The following PSD4 variants were observed in gnomAD, a reference collection of about 807,000 sequenced individuals.
PSD4 encodes the protein PH and SEC7 domain-containing protein 4.
PSD4 carries 59 observed loss-of-function variants against 112.5 expected under a neutral mutation model. The ratio of observed to expected loss-of-function variants is 0.52; its 90% CI spans 0.43 to 0.65. PSD4 has a LOEUF of 0.65. Ranked by LOEUF, PSD4 falls within the 30% of genes least tolerant of loss-of-function variation. The pLI is 0.00. For synonymous variants in PSD4, 533 were observed against 540.0 expected, an observed-to-expected ratio of 0.99 and a Z score of 0.18; for missense variants, 1,267 against 1,352.6, an observed-to-expected ratio of 0.94 and a Z score of 0.99.
chr2:113,200,188 C>A (rs1308893851), intron 16 of PSD4, among the ~76,000 whole-genome samples: 1 of 152,192 alleles, frequency 6.6e-6, no homozygotes, highest in Non-Finnish European at 1.5e-5. Context: ...CTCCCCCAAC[C>A]CTCACCCATC....
At position 113,185,372 on chromosome 2, in the gene PSD4, T is replaced by A. The variant is rs1311388618; in HGVS notation, c.1181T>A (p.Leu394His). ...CTTTGCCTCTCTCAACAGGCCTCTC[T>A]CAGCCCTGAGGGCTGGCAGAGAGGA... Reference protein sequence around the residue: ...AAHPVQPWASLSPEGWQRGGP... With the variant: ...AAHPVQPWASHSPEGWQRGGP... Residue 394 changes from leucine (L) to histidine (H), a missense_variant, in exon 4 of 17, where the codon CTC (leucine) becomes CAC (histidine). Physicochemically the swap from Leu to His is moderately conservative, Grantham distance 99 (BLOSUM62 -3). Transcript: ENST00000245796. 1 of 1,614,028 alleles carries A rather than the reference T, an allele frequency of 6.2e-7. No individual in the cohort carries two copies. Among genetic ancestry groups the A allele is most frequent in the African/African-American group, 1.3e-5 (1 of 74,908 alleles).
chr2:113,183,214 C>T lies in PSD4; in HGVS notation c.758C>T (p.Ala253Val), dbSNP rs201700173. The change falls in exon 2 of 17, where the codon GCG (alanine) becomes GTG (valine). Residue 253 changes from alanine (A) to valine (V), a missense_variant. Around this residue, in one of 2 missense-constraint regions of PSD4, gnomAD observed 723 missense variants for 704.0 expected, o/e 1.03. Coordinates refer to ENST00000245796, the MANE Select transcript of PSD4 (RefSeq NM_012455.3). ...SMFFSNPLFL[A>V]SPCSENSASG... ...TTCTTCAGCAACCCCCTCTTCCTGG[C>T]GAGTCCTTGCTCAGAGAACAGTGCT... 24 of 1,614,080 alleles carry T rather than the reference C, an allele frequency of 1.5e-5. No individual in the cohort carries two copies. The highest frequency in any genetic ancestry group is 3.3e-4 in the Middle Eastern group (2 of 6,084).
chr2:113,197,303 T>G, intron 12 of PSD4: 1 of 530,906 alleles, frequency 1.9e-6, no homozygotes, highest in Non-Finnish European at 3.4e-6. Context: ...GAAGATGATA[T>G]GTATGAATAT....
At chr2:113,193,699 G>T in intron 9 of PSD4, 49 bp downstream of exon 9, 1 of 1,588,246 alleles carries the variant, frequency 6.3e-7, no homozygotes, top group Non-Finnish European at 8.6e-7. Flanking sequence ...GTAACAAGGG[G>T]TGCGGGGAGG....
chr2:113,195,694 G>T, intron 10 of PSD4, 33 bp from the exon 11 acceptor site: 1 of 1,613,934 alleles, frequency 6.2e-7, no homozygotes, highest in South Asian at 1.1e-5. Flanking sequence ...CAGCCCTGAG[G>T]CTCCCCTGCC....
rs1215410669 is a variant in PSD4 at position 113,186,102 on chromosome 2, T to C, written c.1475T>C (p.Leu492Pro). The C allele has an allele frequency of 6.2e-7, 1 of 1,614,020 alleles. No homozygotes were observed. Among genetic ancestry groups the C allele is most frequent in the African/African-American group, 1.3e-5 (1 of 74,894 alleles). ...KWTLDASQSS[L>P]LETDGEQPSS... is the part of the protein sequence containing the mutation. ...ACACTAGATGCTTCACAGTCTTCACTCTTGGAGACGGATGGGGAACAGCCA... is the reference window on the plus strand; with the variant it reads ...ACACTAGATGCTTCACAGTCTTCACCCTTGGAGACGGATGGGGAACAGCCA... The change falls in exon 5 of 17, where the codon CTC becomes CCC. Residue 492 changes from leucine to proline, a missense_variant. Physicochemically the swap from Leu to Pro is moderately conservative, Grantham distance 98 (BLOSUM62 -3). This residue lies in a region of PSD4 where 723 missense variants were observed against 704.0 expected (regional missense o/e 1.03). Coordinates refer to ENST00000245796, the MANE Select transcript of PSD4 (RefSeq NM_012455.3).
In PSD4 at chr2:113,182,379, A is replaced by G; in HGVS notation, c.-78A>G. ...TGGATTCCCAGTTTCTCCAGCGGCC[A>G]GTGCTCCCCCTAGTCCACACAGTGA... On this transcript the variant is annotated 5_prime_UTR_variant, in exon 2 of 17. Coordinates refer to ENST00000245796, the MANE Select transcript of PSD4 (RefSeq NM_012455.3). The G allele has an allele frequency of 3.0e-6, 4 of 1,347,218 alleles. No individual in the cohort carries two copies. The highest frequency in any genetic ancestry group is 4.1e-6 in the Non-Finnish European group (4 of 979,460). The allele number at this position is 1,347,218 out of a possible 1,614,324, so 83.5% of individuals were successfully genotyped here. A position where few individuals can be genotyped will look rare whatever the true frequency, so the allele number is the denominator to read the frequency against.
intron 5 of PSD4, among the ~76,000 whole-genome samples, chr2:113,192,098 C>T (rs1025166028): frequency 1.3e-5 from 2 of 151,702 alleles, no homozygotes; most frequent in East Asian, 3.9e-4. Flanking sequence ...CAGGGATGCA[C>T]CTGCCACCTG....
rs1435093556 is a variant in PSD4 at position 113,199,196 on chromosome 2, C to T, written c.2883C>T (p.His961=). 4 of 1,519,188 alleles carry T rather than the reference C, an allele frequency of 2.6e-6. No homozygotes were observed. The highest frequency in any genetic ancestry group is 1.2e-5 in the South Asian group (1 of 82,046). The allele number at this position is 1,519,188 out of a possible 1,614,324, so 94.1% of individuals were successfully genotyped here. A position where few individuals can be genotyped will look rare whatever the true frequency, so the allele number is the denominator to read the frequency against. Residue 961 remains histidine (H), a synonymous_variant, in exon 16 of 17, where the codon CAC becomes CAT. Coordinates refer to ENST00000245796, the MANE Select transcript of PSD4 (RefSeq NM_012455.3). Reference sequence around the variant, plus strand: ...GCCGTGGCCGCGAGCTGGAGGAGCACCGCCTGCGGAAGGAGTACCTGGAGT... The same window carrying T: ...GCCGTGGCCGCGAGCTGGAGGAGCATCGCCTGCGGAAGGAGTACCTGGAGT... ...RRGRGRELEE[H]RLRKEYLEYE...
Position 113,205,323 on chromosome 2 carries a change from C to T in PSD4, c.*3908C>T, listed in dbSNP as rs74836216. On this transcript the variant is annotated 3_prime_UTR_variant, in exon 17 of 17. Transcript: ENST00000245796. Reference sequence around the variant, plus strand: ...CCAAGCTCAGGGCTTGGAGGACAGCCTAGGGATTTTGTTTTAAGAAGATGA... The same window carrying T: ...CCAAGCTCAGGGCTTGGAGGACAGCTTAGGGATTTTGTTTTAAGAAGATGA... 6.6e-6 allele frequency: 1 copy of T among 152,062 alleles called. No homozygotes were observed. The highest frequency in any genetic ancestry group is 1.5e-5 in the Non-Finnish European group (1 of 68,040). 9.4% of individuals were successfully genotyped at this position (152,062 alleles called of 1,614,324 possible).
chr2:113,182,240 C>T, intron 1 of PSD4, 106 bp from the exon 2 acceptor site: 1 of 539,352 alleles, frequency 1.9e-6, no homozygotes, highest in Non-Finnish European at 3.3e-6. Context: ...TAAGGAGCAG[C>T]AGGCATAGAT....
intron 1 of PSD4, among the ~76,000 whole-genome samples, chr2:113,181,980 C>T (rs867204200): frequency 7.9e-5 from 12 of 152,290 alleles, no homozygotes; most frequent in Non-Finnish European, 1.2e-4. Flanking sequence ...TTCCTTGATA[C>T]CTAGAGGCAT....
intron 5 of PSD4, among the ~76,000 whole-genome samples, chr2:113,191,510 G>T (rs962280684): frequency 6.6e-6 from 1 of 152,198 alleles, no homozygotes; most frequent in African/African-American, 2.4e-5. Context: ...GGCCTCAAGT[G>T]ATCCACTTGC....
intron 1 of PSD4, among the ~76,000 whole-genome samples, chr2:113,179,093 C>A (rs901928534): frequency 3.3e-5 from 5 of 152,144 alleles, no homozygotes; most frequent in African/African-American, 1.2e-4. Flanking sequence ...TGAGTCACCT[C>A]CTTGCTCACA....
At position 113,181,609 on chromosome 2, in the gene PSD4, G is replaced by A. The variant is rs183938573; in HGVS notation, c.-111-737G>A. ...ATCCCAGCCTCTTCCTCCCTAGAAG[G>A]CAGAGATCTCCTCCCCATGCAGCAG... On this transcript the variant is annotated intron_variant, in intron 1 of 16. Coordinates refer to ENST00000245796, the MANE Select transcript of PSD4 (RefSeq NM_012455.3). 9.4e-4 allele frequency among the ~76,000 whole-genome samples: 143 copies of A among 152,294 alleles called. 1 individual carries two copies. The highest frequency in any genetic ancestry group is 1.5e-3 in the Non-Finnish European group (102 of 68,022).
At chr2:113,176,780 A>ACCTG (rs1687992612) in intron 1 of PSD4, among the ~76,000 whole-genome samples, 1 of 152,208 alleles carries the variant, frequency 6.6e-6, no homozygotes, top group Non-Finnish European at 1.5e-5. Flanking sequence ...GATGCGTAAG[A>ACCTG]CCTGGGCTCT....
chr2:113,197,120 G>A, intron 12 of PSD4: 1 of 258,116 alleles, frequency 3.9e-6, no homozygotes, highest in Non-Finnish European at 7.7e-6. Context: ...TCAGAGTGGG[G>A]TACACAGGGA....
rs201876361 is a variant in PSD4, at chr2:113,197,535, A to C, written c.2387-29A>C. The C allele has an allele frequency of 1.7e-3, 2,696 of 1,613,636 alleles. 42 individuals are homozygous for C. In the East Asian group the frequency reaches 0.042, roughly 25 times the overall value. ...TGTCTGGATGCTGGTGCCCCCACCT[A>C]CAACATTTGTGTTCTGTTCCTGGAA... On this transcript the variant is annotated intron_variant, in intron 12 of 16. Coordinates refer to ENST00000245796, the MANE Select transcript of PSD4 (RefSeq NM_012455.3).
At chr2:113,193,397 A>C (rs767561372) in intron 8 of PSD4, 27 bp downstream of exon 8, 3 of 1,603,232 alleles carry the variant, frequency 1.9e-6, no homozygotes, top group Non-Finnish European at 2.6e-6. Flanking sequence ...CCTGACAGCA[A>C]AGCAGGGAAA....
Sources: allele counts gnomAD v4.1 joint callset (sites outside exome capture counted in the v4.1 genomes callset), GRCh38; gene constraint gnomAD v4.1.1; regional missense constraint gnomAD v4.1.1; transcripts MANE v1.5; gene names NCBI Gene and HGNC (gene_info 2026-07-23, HGNC 2026-07-21).